MS4A13: variants seen among roughly 807,000 people sequenced by gnomAD.
MS4A13 encodes the protein membrane spanning 4-domains A13.
Under a neutral mutation model 18.4 loss-of-function variants are expected in MS4A13, and 21 were observed. The observed-to-expected ratio is 1.14, with a 90% CI of 0.81 to 1.64. MS4A13 has a LOEUF of 1.64. Among genes scored for constraint, MS4A13 ranks in the 40% most tolerant of loss-of-function variants. The pLI is 0.00. For synonymous variants in MS4A13, 62 were observed against 57.2 expected (o/e 1.08, Z -0.38); for missense variants, 173 against 176.8 (o/e 0.98, Z 0.12).
At chr11:60,521,150 G>GC (rs2086671358) in intron 3 of MS4A13, among the ~76,000 whole-genome samples, 1 of 152,230 alleles carries the variant, frequency 6.6e-6, no homozygotes. Flanking sequence ...GGGGCCCTGG[G>GC]CCCGGCCCAT....
chr11:60,529,541 G>C lies in MS4A13; in HGVS notation c.402+81G>C, dbSNP rs78443910. 2,649 of 639,186 alleles carry C rather than the reference G, an allele frequency of 4.1e-3. 60 individuals are homozygous for C. The African/African-American group carries it at 0.042, about 10-fold the overall frequency. The allele number at this position is 639,186 out of a possible 1,614,324, so 39.6% of individuals were successfully genotyped here. A position where few individuals can be genotyped will look rare whatever the true frequency, so the allele number is the denominator to read the frequency against. On this transcript the variant is annotated intron_variant, in intron 6 of 6. Coordinates refer to ENST00000378186, the MANE Select transcript of MS4A13 (RefSeq NM_001012417.3). ...ACTCTATGAGAAGATGAAGTGCACT[G>C]ATACAAAATATTTAGAACTAATATA...
chr11:60,528,815 G>A (rs532922008), intron 5 of MS4A13, among the ~76,000 whole-genome samples: 4 of 152,224 alleles, frequency 2.6e-5, no homozygotes, highest in Admixed American at 6.5e-5. Flanking sequence ...ATTTATCCCA[G>A]CAGTCACAAT....
chr11:60,542,236 G>A (rs2086865531), intron 6 of MS4A13, among the ~76,000 whole-genome samples: 1 of 138,248 alleles, frequency 7.2e-6, no homozygotes, highest in South Asian at 2.3e-4. Context: ...AGGAAGGAAG[G>A]AAGGAGAAAG....
At chr11:60,523,865 A>G (rs2086694174) in intron 3 of MS4A13, 32 bp from the exon 4 acceptor site, 1 of 1,217,512 alleles carries the variant, frequency 8.2e-7, no homozygotes, top group Non-Finnish European at 1.2e-6. Flanking sequence ...AGCATTATCA[A>G]TGAGTATTTA....
At position 60,527,623 on chromosome 11, in the gene MS4A13, A is replaced by C. The variant is rs189157356; in HGVS notation, c.307-1742A>C. Among the ~76,000 whole-genome samples the C allele has an allele frequency of 1.7e-3, 265 of 152,018 alleles. 3 individuals are homozygous for C. The highest frequency in any genetic ancestry group is 6.2e-3 in the African/African-American group (255 of 41,456). On this transcript the variant is annotated intron_variant, in intron 5 of 6. Coordinates refer to ENST00000378186, the MANE Select transcript of MS4A13 (RefSeq NM_001012417.3). ...GGCCAAGGCAGGCGGATCACTTGAG[A>C]TCAGATGTTCGAGACCAGCCTGGCC...
intron 6 of MS4A13, among the ~76,000 whole-genome samples, chr11:60,539,575 C>A (rs573889898): frequency 4.6e-5 from 7 of 152,064 alleles, no homozygotes; most frequent in Admixed American, 4.6e-4. Flanking sequence ...TCCCAAATTC[C>A]CCTAATTTCA....
At chr11:60,542,335 GAGAA>G (rs1283229737) in intron 6 of MS4A13, among the ~76,000 whole-genome samples, 180 bp from the exon 7 acceptor site, 1 of 151,824 alleles carries the variant, frequency 6.6e-6, no homozygotes, top group African/African-American at 2.4e-5. Context: ...AAGAAAGAAA[GAGAA>G]AGAGAAAGAA....
chr11:60,523,826 A>T, intron 3 of MS4A13, 71 bp from the exon 4 acceptor site: 1 of 874,100 alleles, frequency 1.1e-6, no homozygotes, highest in South Asian at 1.5e-5. Context: ...CTTACAAGAG[A>T]GTTATTAAAA....
chr11:60,529,392 T>A lies in MS4A13; in HGVS notation c.334T>A (p.Leu112Ile), dbSNP rs753695986. 3 of 1,608,552 alleles carry A rather than the reference T, an allele frequency of 1.9e-6. No individual in the cohort carries two copies. The African/African-American group carries it at 4.0e-5, about 22-fold the overall frequency. The change falls in exon 6 of 7, where the codon TTA (leucine) becomes ATA (isoleucine). Residue 112 changes from leucine (L) to isoleucine (I), a missense_variant. By Grantham distance (5) the Leu-to-Ile change is conservative. Coordinates refer to ENST00000378186, the MANE Select transcript of MS4A13 (RefSeq NM_001012417.3). ...ACTTGGGAGGGAAGTATCACGTATT[T>A]TACTGTTCTTCTACGGTTTGGAATT... is the stretch of plus-strand genomic sequence containing the variant. ...AKLGREVSRI[L>I]LFFYGLEFSI...
Position 60,525,256 on chromosome 11 carries a change from C to A in MS4A13, c.236C>A (p.Thr79Asn). The A allele has an allele frequency of 6.4e-7, 1 of 1,561,062 alleles. No individual in the cohort carries two copies. The highest frequency in any genetic ancestry group is 8.8e-7 in the Non-Finnish European group (1 of 1,133,656). ...ATCATCTGCATAATTACTACAATTA[C>A]TGCAGTAACTCTAACAATAATAGAG... Reference protein sequence around the residue: ...INIICIITTITAVTLTIIELS... With the variant: ...INIICIITTINAVTLTIIELS... Residue 79 changes from threonine (T) to asparagine (N), a missense_variant, in exon 5 of 7, where the codon ACT becomes AAT. Physicochemically the swap from Thr to Asn is moderately conservative, Grantham distance 65. Coordinates refer to ENST00000378186, the MANE Select transcript of MS4A13 (RefSeq NM_001012417.3).
chr11:60,524,059 C>T (rs923173161), intron 4 of MS4A13, 106 bp downstream of exon 4: 2 of 639,636 alleles, frequency 3.1e-6, no homozygotes, highest in Non-Finnish European at 5.5e-6. Context: ...TCTACCCTAC[C>T]TGTAAAGTAA....
downstream of MS4A13, among the ~76,000 whole-genome samples, chr11:60,542,908 C>A (rs2086872866): frequency 6.6e-6 from 1 of 151,982 alleles, no homozygotes; most frequent in Non-Finnish European, 1.5e-5. Flanking sequence ...AAGACTTGGG[C>A]CATGATGTCG....
chr11:60,532,502 A>T (rs1481790584), intron 6 of MS4A13, among the ~76,000 whole-genome samples: 1 of 152,156 alleles, frequency 6.6e-6, no homozygotes, highest in Non-Finnish European at 1.5e-5. Flanking sequence ...TATATCCCAC[A>T]CCTGGCTCAG....
At chr11:60,542,479 G>C in intron 6 of MS4A13, 40 bp from the exon 7 acceptor site, 1 of 1,406,356 alleles carries the variant, frequency 7.1e-7, no homozygotes. Context: ...ATAATATTAA[G>C]AAACATGATA....
At chr11:60,543,196 A>T (rs1411852855), downstream of MS4A13, among the ~76,000 whole-genome samples, 1 of 152,158 alleles carries the variant, frequency 6.6e-6, no homozygotes, top group Non-Finnish European at 1.5e-5. Context: ...AAGCAGACAG[A>T]CTGTCCACAA....
intron 3 of MS4A13, 134 bp from the exon 4 acceptor site, chr11:60,523,763 T>C: frequency 1.7e-6 from 1 of 598,440 alleles, no homozygotes; most frequent in Non-Finnish European, 3.0e-6. Flanking sequence ...TCCTGACCCA[T>C]CTACTAAAAC....
At chr11:60,524,045 G>T in intron 4 of MS4A13, 92 bp downstream of exon 4, 1 of 729,910 alleles carries the variant, frequency 1.4e-6, no homozygotes, top group East Asian at 2.6e-5. Flanking sequence ...AAACAATGAA[G>T]GAATCTACCC....
At chr11:60,524,662 C>CTTT (rs11338863) in intron 4 of MS4A13, among the ~76,000 whole-genome samples, 7 of 104,386 alleles carry the variant, frequency 6.7e-5, no homozygotes, top group Admixed American at 1.0e-4. Context: ...AAACACAATA[C>CTTT]TTTTTTTTTT....
rs1443848111 is a variant in MS4A13, at chr11:60,525,298, C to A, written c.278C>A (p.Ser93Tyr). 1 of 1,589,454 alleles carries A rather than the reference C, an allele frequency of 6.3e-7. No homozygotes were observed. Among genetic ancestry groups the A allele is most frequent in the South Asian group, 1.1e-5 (1 of 89,200 alleles). The part of the protein sequence containing the change: ...LTIIELSHFN[S>Y]VSYRNYGQAK... The stretch of plus-strand genomic sequence containing the variant: ...ATAATAGAGTTGTCTCATTTTAATT[C>A]TGTGTCATACAGGAATTATGGACAA... Residue 93 changes from serine (S) to tyrosine (Y), a missense_variant, in exon 5 of 7, where the codon TCT (serine) becomes TAT (tyrosine). By Grantham distance (144) the Ser-to-Tyr change is moderately radical. Coordinates refer to ENST00000378186, the MANE Select transcript of MS4A13 (RefSeq NM_001012417.3).
Sources: gnomAD v4.1 joint callset for allele counts (sites outside exome capture counted in the v4.1 genomes callset) on GRCh38, gnomAD v4.1.1 for gene constraint, MANE v1.5 for transcripts, NCBI Gene and HGNC (gene_info 2026-07-23, HGNC 2026-07-21) for gene names.